The following SCFD2 variants were observed in gnomAD, a reference collection of about 807,000 sequenced individuals.
SCFD2 encodes sec1 family domain containing 2.
SCFD2 carries 54 observed loss-of-function variants against 58.9 expected under a neutral mutation model. The observed-to-expected ratio is 0.92, with a 90% CI of 0.74 to 1.15. The LOEUF is 1.15. Among genes scored for constraint, SCFD2 ranks in the 50% most tolerant of loss-of-function variants. The probability of loss-of-function intolerance (pLI) is 0.00; values close to 1 mark genes in which losing one functional copy is unlikely to be tolerated. For synonymous variants in SCFD2, 321 were observed against 335.9 expected (o/e 0.96, Z 0.49); for missense variants, 805 against 836.6 (o/e 0.96, Z 0.47).
At chr4:52,983,888 C>G (rs185674453) in intron 5 of SCFD2, among the ~76,000 whole-genome samples, 1 of 152,204 alleles carries the variant, frequency 6.6e-6, no homozygotes. Flanking sequence ...TGCCTACACC[C>G]TTCTTAAGAT....
chr4:53,028,786 T>C (rs1722544293), intron 5 of SCFD2, among the ~76,000 whole-genome samples: 1 of 152,172 alleles, frequency 6.6e-6, no homozygotes, highest in African/African-American at 2.4e-5. Flanking sequence ...TTTTCAAGCT[T>C]GCCAAACTAA....
At position 52,979,127 on chromosome 4, in the gene SCFD2, C is replaced by A. The variant is rs117707831; in HGVS notation, c.1562-58257G>T. On this transcript the variant is annotated intron_variant, in intron 5 of 8. Transcript: ENST00000401642. ...AATACATAATTGGACCCAAAACAGG[C>A]TAAGAAAATGATCCTGCCATACTCT... Among the ~76,000 whole-genome samples the A allele has an allele frequency of 2.3e-4, 35 of 151,828 alleles. No individual in the cohort carries two copies. In the East Asian group the frequency reaches 4.5e-3, roughly 19 times the overall value.
chr4:53,195,004 C>G (rs1156776479), intron 4 of SCFD2, among the ~76,000 whole-genome samples: 2 of 152,074 alleles, frequency 1.3e-5, no homozygotes, highest in South Asian at 2.1e-4. Context: ...GTAAAAACCC[C>G]AAGTGGCTTT....
intron 4 of SCFD2, among the ~76,000 whole-genome samples, chr4:53,229,482 C>T (rs1434854763): frequency 2.0e-5 from 3 of 152,194 alleles, no homozygotes; most frequent in Non-Finnish European, 4.4e-5. Context: ...CTACAACTAT[C>T]TGATCTTTGA....
At chr4:53,141,693 C>T (rs1262352876) in intron 5 of SCFD2, among the ~76,000 whole-genome samples, 1 of 151,346 alleles carries the variant, frequency 6.6e-6, no homozygotes, top group African/African-American at 2.4e-5. Context: ...AAAGTCTACA[C>T]ATTTTATACC....
intron 2 of SCFD2, among the ~76,000 whole-genome samples, chr4:53,323,390 T>C (rs1021368029): frequency 9.9e-5 from 15 of 152,170 alleles, no homozygotes; most frequent in African/African-American, 3.1e-4. Flanking sequence ...TGTTGTTTTT[T>C]TGGGACAGGG....
In SCFD2 at chr4:53,250,253, A is replaced by C. The variant is rs189580972; in HGVS notation, c.1311+23573T>G. 2.7e-3 allele frequency among the ~76,000 whole-genome samples: 408 copies of C among 152,296 alleles called. 1 individual carries two copies. Among genetic ancestry groups the C allele is most frequent in the African/African-American group, 9.4e-3 (390 of 41,544 alleles). On this transcript the variant is annotated intron_variant, in intron 4 of 8. Transcript: ENST00000401642. Reference sequence around the variant, plus strand: ...ATCAATGCAACAAGAAGAACTAACTATCCTAAATATATATGCACCCAATAT... The same window carrying C: ...ATCAATGCAACAAGAAGAACTAACTCTCCTAAATATATATGCACCCAATAT...
At chr4:53,143,826 A>ACACC (rs1438940465) in intron 5 of SCFD2, among the ~76,000 whole-genome samples, 1 of 151,192 alleles carries the variant, frequency 6.6e-6, no homozygotes, top group Admixed American at 6.6e-5. Flanking sequence ...ACACACACAC[A>ACACC]CCAGCAAATG....
intron 5 of SCFD2, among the ~76,000 whole-genome samples, chr4:53,077,263 G>T (rs1724005663): frequency 6.6e-6 from 1 of 152,022 alleles, no homozygotes; most frequent in Non-Finnish European, 1.5e-5. Flanking sequence ...TGTTTTATGG[G>T]TCATATTTCA....
At chr4:52,930,451 C>T (rs916302850) in intron 5 of SCFD2, among the ~76,000 whole-genome samples, 7 of 152,008 alleles carry the variant, frequency 4.6e-5, no homozygotes, top group African/African-American at 1.7e-4. Flanking sequence ...TAGGCATGGG[C>T]AAAGATTTCA....
chr4:53,164,558 C>T (rs1159747165), intron 4 of SCFD2, among the ~76,000 whole-genome samples: 1 of 151,986 alleles, frequency 6.6e-6, no homozygotes, highest in Non-Finnish European at 1.5e-5. Context: ...CTGTGGGAGG[C>T]CAAGGCGGGC....
intron 4 of SCFD2, among the ~76,000 whole-genome samples, chr4:53,152,206 C>T (rs1212695793): frequency 6.7e-6 from 1 of 148,808 alleles, no homozygotes; most frequent in Admixed American, 6.7e-5. Flanking sequence ...TTCAAAGAAT[C>T]AGTACAAAGT....
chr4:53,257,274 C>T (rs1374610430), intron 4 of SCFD2, among the ~76,000 whole-genome samples: 1 of 152,156 alleles, frequency 6.6e-6, no homozygotes, highest in Non-Finnish European at 1.5e-5. Context: ...CAGGCTAGGC[C>T]TCCCATGAAG....
intron 5 of SCFD2, among the ~76,000 whole-genome samples, chr4:53,037,380 T>C (rs2148822292): frequency 6.6e-6 from 1 of 152,288 alleles, no homozygotes; most frequent in African/African-American, 2.4e-5. Context: ...ACTTTCATTT[T>C]CTGTGATTTG....
chr4:53,204,967 T>C (rs1268527928), intron 4 of SCFD2, among the ~76,000 whole-genome samples: 3 of 151,888 alleles, frequency 2.0e-5, no homozygotes, highest in Non-Finnish European at 4.4e-5. Context: ...ATATTACTAA[T>C]AGGAAGATAA....
At chr4:53,305,557 C>A (rs1732486657) in intron 3 of SCFD2, among the ~76,000 whole-genome samples, 1 of 152,064 alleles carries the variant, frequency 6.6e-6, no homozygotes, top group African/African-American at 2.4e-5. Flanking sequence ...TAAAATAATG[C>A]CACTCTTTTC....
chr4:53,207,969 T>TC (rs1728488616), intron 4 of SCFD2, among the ~76,000 whole-genome samples: 2 of 150,916 alleles, frequency 1.3e-5, no homozygotes, highest in African/African-American at 2.4e-5. Flanking sequence ...CTTTTTTTTT[T>TC]TCCCCCCATA....
At chr4:53,044,889 T>TCCCCCCCCCCCCCCCC (rs1244604704) in intron 5 of SCFD2, among the ~76,000 whole-genome samples, 1 of 38,304 alleles carries the variant, frequency 2.6e-5, no homozygotes, top group African/African-American at 1.8e-4. Context: ...CCACCCCAAT[T>TCCCCCCCCCCCCCCCC]CCCACCTCCA....
At chr4:52,912,503 A>G (rs568279836) in intron 6 of SCFD2, among the ~76,000 whole-genome samples, 27 of 152,222 alleles carry the variant, frequency 1.8e-4, no homozygotes, top group African/African-American at 6.5e-4. Context: ...TCCTACTTGA[A>G]TGGGAATATG....
Sources: allele counts gnomAD v4.1 joint callset (sites outside exome capture counted in the v4.1 genomes callset), GRCh38; gene constraint gnomAD v4.1.1; transcripts MANE v1.5; gene names NCBI Gene and HGNC (gene_info 2026-07-23, HGNC 2026-07-21).